Variants in ZBTB20 observed in about 807,000 individuals in gnomAD.
ZBTB20 encodes the protein zinc finger and BTB domain containing 20, also known as zinc finger and BTB domain-containing protein 20.
ZBTB20 carries 9 observed loss-of-function variants against 56.9 expected under a neutral mutation model. The observed-to-expected ratio is 0.16, with a 90% CI of 0.10 to 0.28. The LOEUF is 0.28. ZBTB20 is among the 10% of genes least tolerant of loss of function. ZBTB20 has a pLI of 1.00. For synonymous variants in ZBTB20, 417 were observed against 420.7 expected (o/e 0.99, Z 0.11); for missense variants, 655 against 1,003.0 (o/e 0.65, Z 4.69).
intron 4 of ZBTB20, among the ~76,000 whole-genome samples, chr3:114,897,706 C>A (rs1307775867): frequency 5.9e-5 from 9 of 152,040 alleles, no homozygotes; most frequent in South Asian, 2.1e-4. Flanking sequence ...CTGGAAAAAA[C>A]CGATGTCTTT....
chr3:114,614,763 T>C (rs927519314), intron 6 of ZBTB20, among the ~76,000 whole-genome samples: 2 of 151,934 alleles, frequency 1.3e-5, no homozygotes, highest in Non-Finnish European at 2.9e-5. Context: ...GTTTGTTTGT[T>C]TGTTTTGAGA....
intron 4 of ZBTB20, among the ~76,000 whole-genome samples, chr3:114,848,761 A>G (rs1236185807): frequency 3.3e-5 from 5 of 152,204 alleles, no homozygotes; most frequent in African/African-American, 9.6e-5. Flanking sequence ...TTGGCTTTTC[A>G]GCAAAAGAAT....
intron 6 of ZBTB20, among the ~76,000 whole-genome samples, chr3:114,683,275 C>T (rs1560122648): frequency 6.6e-6 from 1 of 152,138 alleles, no homozygotes; most frequent in Non-Finnish European, 1.5e-5. Flanking sequence ...ATGTCTTAGA[C>T]ACTGAGGTAC....
chr3:114,486,283 A>C (rs2042146084), intron 7 of ZBTB20, among the ~76,000 whole-genome samples: 1 of 152,048 alleles, frequency 6.6e-6, no homozygotes. Context: ...GGTTACTAGG[A>C]GGTGGCTTGC....
intron 7 of ZBTB20, among the ~76,000 whole-genome samples, chr3:114,446,132 A>C (rs1259581843): frequency 1.3e-5 from 2 of 152,118 alleles, no homozygotes; most frequent in Non-Finnish European, 2.9e-5. Context: ...CATAGCTTAA[A>C]TAAAGGGTTG....
intron 5 of ZBTB20, among the ~76,000 whole-genome samples, chr3:114,722,098 A>G (rs2064959188): frequency 6.6e-6 from 1 of 152,174 alleles, no homozygotes; most frequent in South Asian, 2.1e-4. Context: ...TCAACTGGAG[A>G]AGTATTAATT....
chr3:114,450,927 A>G (rs1416204685), intron 7 of ZBTB20, among the ~76,000 whole-genome samples: 2 of 152,134 alleles, frequency 1.3e-5, no homozygotes, highest in Non-Finnish European at 2.9e-5. Flanking sequence ...GAAGGTTTTT[A>G]AAGTATGAAT....
At chr3:114,818,856 A>G (rs184604025) in intron 4 of ZBTB20, among the ~76,000 whole-genome samples, 1 of 152,144 alleles carries the variant, frequency 6.6e-6, no homozygotes, top group East Asian at 1.9e-4. Flanking sequence ...AACAGGAATA[A>G]GAAAGGAAAT....
chr3:115,037,767 G>A (rs990007033), intron 2 of ZBTB20, among the ~76,000 whole-genome samples: 9 of 152,262 alleles, frequency 5.9e-5, no homozygotes, highest in African/African-American at 2.2e-4. Context: ...TAATCTAGGG[G>A]GAGGAATGTG....
chr3:114,518,109 C>T (rs376939711), intron 6 of ZBTB20, among the ~76,000 whole-genome samples: 1 of 152,100 alleles, frequency 6.6e-6, no homozygotes, highest in East Asian at 1.9e-4. Flanking sequence ...TTCCAAGGGG[C>T]CTTCCTTGAA....
chr3:114,948,509 G>T (rs2076959690), intron 3 of ZBTB20, among the ~76,000 whole-genome samples: 1 of 146,010 alleles, frequency 6.8e-6, no homozygotes, highest in Admixed American at 6.6e-5. Context: ...AAACATGACT[G>T]TGTTATAAAA....
chr3:115,055,187 A>ATATCTC lies in ZBTB20; in HGVS notation c.-507+16031_-507+16032insGAGATA, dbSNP rs374725671. Among the ~76,000 whole-genome samples, 275 of 103,180 alleles carry ATATCTC rather than the reference A, an allele frequency of 2.7e-3. 2 individuals are homozygous for ATATCTC. The highest frequency in any genetic ancestry group is 0.011 in the African/African-American group (270 of 25,166). The allele number at this position is 103,180 out of a possible 152,430, so 67.7% of individuals were successfully genotyped here. On this transcript the variant is annotated intron_variant, in intron 2 of 11. Coordinates refer to ENST00000675478, the MANE Select transcript of ZBTB20 (RefSeq NM_001348800.3). ...TACAATCTTTTGCTCCCTCCTGGTAATCTCTCTCTCTCTCTCTCTCTCTCT... is the reference window on the plus strand; with the variant it reads ...TACAATCTTTTGCTCCCTCCTGGTAATATCTCTCTCTCTCTCTCTCTCTCTCTCTCT...
At chr3:114,778,289 C>CAAA (rs71146336) in intron 5 of ZBTB20, among the ~76,000 whole-genome samples, 4 of 142,586 alleles carry the variant, frequency 2.8e-5, no homozygotes, top group Non-Finnish European at 6.1e-5. Context: ...AATACACATT[C>CAAA]AAAAAAAAAA....
intron 5 of ZBTB20, among the ~76,000 whole-genome samples, chr3:114,724,645 T>C (rs1321156362): frequency 1.3e-5 from 2 of 152,202 alleles, no homozygotes; most frequent in Non-Finnish European, 2.9e-5. Flanking sequence ...TTAGGTTTTA[T>C]ATTAATTAAT....
chr3:114,949,839 A>G (rs932882420), intron 3 of ZBTB20, among the ~76,000 whole-genome samples: 1 of 152,220 alleles, frequency 6.6e-6, no homozygotes, highest in Admixed American at 6.5e-5. Context: ...ATCTGTAATA[A>G]GTATATCTGA....
chr3:115,065,125 T>C (rs1277319505), intron 2 of ZBTB20, among the ~76,000 whole-genome samples: 1 of 152,152 alleles, frequency 6.6e-6, no homozygotes, highest in Non-Finnish European at 1.5e-5. Flanking sequence ...TTCTCTCCTA[T>C]TTTCCATTTA....
At chr3:114,703,071 A>T (rs1161395070) in intron 5 of ZBTB20, among the ~76,000 whole-genome samples, 1 of 152,120 alleles carries the variant, frequency 6.6e-6, no homozygotes, top group Non-Finnish European at 1.5e-5. Flanking sequence ...AAAATATTTT[A>T]AAATCATAAT....
intron 7 of ZBTB20, among the ~76,000 whole-genome samples, chr3:114,490,261 G>A (rs552649847): frequency 3.3e-5 from 5 of 151,804 alleles, no homozygotes; most frequent in Non-Finnish European, 5.9e-5. Context: ...TCACACTGTC[G>A]CCTGAGCTGG....
intron 2 of ZBTB20, among the ~76,000 whole-genome samples, chr3:115,027,848 T>C (rs1292770227): frequency 6.6e-6 from 1 of 150,762 alleles, no homozygotes; most frequent in Non-Finnish European, 1.5e-5. Flanking sequence ...GGCCAATAAA[T>C]TTAAAAATTA....
Sources: allele counts gnomAD v4.1 joint callset (sites outside exome capture counted in the v4.1 genomes callset), GRCh38; gene constraint gnomAD v4.1.1; transcripts MANE v1.5; gene names NCBI Gene and HGNC (gene_info 2026-07-23, HGNC 2026-07-21).